Variants in OLFM2 observed in about 807,000 individuals in gnomAD.
The protein encoded by OLFM2 is noelin-2.
Under a neutral mutation model 43.9 loss-of-function variants are expected in OLFM2, and 20 were observed. That is an observed-to-expected ratio of 0.46 (90% CI 0.32 to 0.66). The LOEUF (loss-of-function observed/expected upper bound fraction) is 0.66, where lower values mean the gene tolerates loss of function less well. OLFM2 is among the 30% of genes least tolerant of loss of function. OLFM2 has a pLI of 0.04. For synonymous variants in OLFM2, 268 were observed against 278.6 expected (o/e 0.96, Z 0.38); for missense variants, 416 against 643.6 (o/e 0.65, Z 3.83).
chr19:9,868,538 G>A (rs1309126183), intron 1 of OLFM2, among the ~76,000 whole-genome samples: 1 of 152,116 alleles, frequency 6.6e-6, no homozygotes, highest in Non-Finnish European at 1.5e-5. Context: ...TCTACAGAAT[G>A]AGATACTATG....
intron 1 of OLFM2, among the ~76,000 whole-genome samples, chr19:9,932,467 A>G (rs1015752215): frequency 1.3e-5 from 2 of 151,742 alleles, no homozygotes; most frequent in African/African-American, 2.4e-5. Context: ...AAAAAAAAAA[A>G]AAAAGAAAGA....
At chr19:9,934,224 G>A (rs2145015880) in intron 1 of OLFM2, among the ~76,000 whole-genome samples, 1 of 152,266 alleles carries the variant, frequency 6.6e-6, no homozygotes, top group East Asian at 1.9e-4. Flanking sequence ...GGGGGTGTAT[G>A]GGGCGCCGAG....
intron 1 of OLFM2, among the ~76,000 whole-genome samples, chr19:9,868,968 TA>T (rs1240805339): frequency 5.8e-5 from 5 of 85,846 alleles, no homozygotes; most frequent in Non-Finnish European, 1.1e-4. Flanking sequence ...AAAAGTCCCT[TA>T]AATTTTTTTT....
chr19:9,893,664 C>CA (rs2144965897), intron 1 of OLFM2, among the ~76,000 whole-genome samples: 1 of 152,032 alleles, frequency 6.6e-6, no homozygotes, highest in African/African-American at 2.4e-5. Flanking sequence ...ACGTGTGGAG[C>CA]ACTTCTCTTA....
At chr19:9,886,720 G>A (rs940828466) in intron 1 of OLFM2, among the ~76,000 whole-genome samples, 2 of 141,922 alleles carry the variant, frequency 1.4e-5, no homozygotes, top group African/African-American at 2.5e-5. Context: ...CATTCATCTC[G>A]TTTCTTTTTC....
At chr19:9,865,103 G>T (rs1212535460) in intron 1 of OLFM2, among the ~76,000 whole-genome samples, 1 of 151,450 alleles carries the variant, frequency 6.6e-6, no homozygotes, top group African/African-American at 2.4e-5. Flanking sequence ...CCCCAAGAAA[G>T]CCTGCCCCTT....
chr19:9,924,516 C>A (rs2086440525), intron 1 of OLFM2, among the ~76,000 whole-genome samples: 1 of 152,084 alleles, frequency 6.6e-6, no homozygotes, highest in Admixed American at 6.6e-5. Flanking sequence ...GCCTTGGCCA[C>A]CCAAAGCACT....
chr19:9,893,909 A>G (rs2046659007), intron 1 of OLFM2, among the ~76,000 whole-genome samples: 1 of 152,142 alleles, frequency 6.6e-6, no homozygotes, highest in Non-Finnish European at 1.5e-5. Flanking sequence ...CTCACCTCAT[A>G]GATACTAGAG....
In OLFM2 at chr19:9,854,660, A is replaced by G. The variant is rs780372194; in HGVS notation, c.891T>C (p.Ser297=). ...CCGGGAGGCTCCTCTGCACCAGCAC[A>G]GAGCGCGAGCGGAAGTGGTATTTGA... ...VVVKYHFRSR[S]VLVQRSLPGA... is the part of the protein sequence containing the mutation. Residue 297 remains serine (S), a synonymous_variant, in exon 6 of 6, where the codon TCT becomes TCC. Coordinates refer to ENST00000264833, the MANE Select transcript of OLFM2 (RefSeq NM_058164.4). The surrounding 1 kb of genome is among the most constrained non-coding windows in gnomAD (Gnocchi z 9.5). 2 of 1,614,252 alleles carry G rather than the reference A, an allele frequency of 1.2e-6. No homozygotes were observed. Among genetic ancestry groups the G allele is most frequent in the South Asian group, 1.1e-5 (1 of 91,090 alleles).
intron 1 of OLFM2, among the ~76,000 whole-genome samples, chr19:9,883,036 TAAA>T (rs34606062): frequency 6.8e-6 from 1 of 146,034 alleles, no homozygotes; most frequent in Non-Finnish European, 1.5e-5. Flanking sequence ...CCATCTCTAC[TAAA>T]AAAAAAAAAA....
intron 1 of OLFM2, among the ~76,000 whole-genome samples, chr19:9,934,320 GA>G (rs1191358896): frequency 6.6e-6 from 1 of 152,124 alleles, no homozygotes; most frequent in East Asian, 1.9e-4. Flanking sequence ...CGCCCTAACG[GA>G]TTACCTCATT....
chr19:9,920,023 C>G (rs1014110115), intron 1 of OLFM2, among the ~76,000 whole-genome samples: 2 of 150,416 alleles, frequency 1.3e-5, no homozygotes, highest in African/African-American at 4.9e-5. Context: ...CGGCTGGTCT[C>G]GAACTCCTGA....
At chr19:9,883,126 C>T (rs533629554) in intron 1 of OLFM2, among the ~76,000 whole-genome samples, 1 of 150,664 alleles carries the variant, frequency 6.6e-6, no homozygotes, top group South Asian at 2.1e-4. Flanking sequence ...AGGAGAATCA[C>T]TTGAATCCGG....
At chr19:9,923,652 GGAAAAGAAAAGAAAGAAAAAA>G (rs376881438) in intron 1 of OLFM2, among the ~76,000 whole-genome samples, 3,115 of 147,944 alleles carry the variant, frequency 0.021, 114 homozygotes, top group African/African-American at 0.073. Context: ...GGAAAGGAAA[GGAAAAGAAAAGAAAGAAAAAA>G]GAAAAGAAAA....
intron 1 of OLFM2, among the ~76,000 whole-genome samples, chr19:9,866,661 G>A (rs1328046964): frequency 6.6e-6 from 1 of 151,934 alleles, no homozygotes; most frequent in Non-Finnish European, 1.5e-5. Context: ...CATCACGACT[G>A]GCTATTTTTT....
At chr19:9,902,485 C>T (rs549688101) in intron 1 of OLFM2, among the ~76,000 whole-genome samples, 2 of 150,590 alleles carry the variant, frequency 1.3e-5, no homozygotes, top group South Asian at 4.2e-4. Flanking sequence ...TGGGTTCAAG[C>T]GATTCTCCTG....
chr19:9,913,382 A>C, intron 1 of OLFM2: 22 of 574,094 alleles, frequency 3.8e-5, no homozygotes, highest in Non-Finnish European at 4.1e-5. Context: ...GCACAGGGGT[A>C]GAGGGGGACA....
At chr19:9,890,441 G>A (rs960205122) in intron 1 of OLFM2, among the ~76,000 whole-genome samples, 22 of 152,200 alleles carry the variant, frequency 1.4e-4, no homozygotes, top group Admixed American at 5.2e-4. Context: ...ATGGGTGCCC[G>A]TGAGAAGGAA....
intron 1 of OLFM2, among the ~76,000 whole-genome samples, chr19:9,882,318 C>A (rs567015815): frequency 2.7e-5 from 4 of 150,438 alleles, no homozygotes; most frequent in African/African-American, 9.8e-5. Flanking sequence ...GTGGGTGGAT[C>A]GTGAGGTCAG....
Sources: allele counts gnomAD v4.1 joint callset (sites outside exome capture counted in the v4.1 genomes callset), GRCh38; gene constraint gnomAD v4.1.1; non-coding constraint Gnocchi (gnomAD v3.1); transcripts MANE v1.5; gene names NCBI Gene and HGNC (gene_info 2026-07-23, HGNC 2026-07-21).